Variants in LRRK2 observed in about 807,000 individuals in gnomAD.
The protein encoded by LRRK2 is leucine-rich repeat serine/threonine-protein kinase 2.
A neutral mutation model predicts 302.6 loss-of-function variants in LRRK2; 203 were observed. The observed-to-expected ratio is 0.67, with a 90% CI of 0.60 to 0.75. The LOEUF is 0.75. LRRK2 is among the 30% of genes least tolerant of loss of function. LRRK2 has a pLI of 0.00. For synonymous variants in LRRK2, 1,066 were observed against 1,031.9 expected, an observed-to-expected ratio of 1.03 and a Z score of -0.63; for missense variants, 2,830 against 2,951.0, an observed-to-expected ratio of 0.96 and a Z score of 0.95.
Position 40,321,789 on chromosome 12 carries a change from G to A in LRRK2, c.5171-246G>A, listed in dbSNP as rs993287646. 1.2e-4 allele frequency among the ~76,000 whole-genome samples: 19 copies of A among 152,036 alleles called. 1 individual carries two copies. The highest frequency in any genetic ancestry group is 4.6e-4 in the Admixed American group (7 of 15,250). ...TTATGATTTTCTTTCTTCATCTGTC[G>A]AGCATATTAAACTGCTTAACAGCAT... On this transcript the variant is annotated intron_variant, in intron 35 of 50. Transcript: ENST00000298910.
chr12:40,320,032 C>A lies in LRRK2; in HGVS notation c.4872C>A (p.Gly1624=), dbSNP rs1427263. The stretch of plus-strand genomic sequence containing the variant: ...AAGGTTGTCCAAAACACCCTAAGGG[C>A]ATTATTTCGCGTAGAGATGTGGAAA... ...KVEGCPKHPK[G]IISRRDVEKF... The change falls in exon 34 of 51, where the codon GGC becomes GGA. Residue 1624 remains glycine (G), a synonymous_variant. Transcript: ENST00000298910. 1,073,785 of 1,608,450 alleles carry A rather than the reference C, an allele frequency of 0.67. 361,020 individuals carry two copies. Among genetic ancestry groups the A allele is most frequent in the African/African-American group, 0.77 (57,647 of 74,736 alleles).
chr12:40,303,499 CT>C (rs1163054513), intron 26 of LRRK2, among the ~76,000 whole-genome samples: 1 of 151,996 alleles, frequency 6.6e-6, no homozygotes, highest in African/African-American at 2.4e-5. Context: ...AACACTATGG[CT>C]TTTTAGAATT....
chr12:40,360,324 A>G (rs192787168), intron 47 of LRRK2, among the ~76,000 whole-genome samples: 24 of 152,210 alleles, frequency 1.6e-4, no homozygotes, highest in Admixed American at 1.5e-3. Context: ...ACAAATCCCT[A>G]CCTTAGGGAA....
At chr12:40,304,244 C>T (rs146538851) in intron 27 of LRRK2, 110 bp downstream of exon 27, 3 of 1,034,524 alleles carry the variant, frequency 2.9e-6, no homozygotes, top group East Asian at 5.1e-5. Context: ...AAACTAGAAG[C>T]TTCCTGTTAA....
In LRRK2 at chr12:40,364,849, A is replaced by G. The variant is rs924351303; in HGVS notation, c.7189A>G (p.Met2397Val). 6.2e-7 allele frequency: 1 copy of G among 1,609,490 alleles called. No individual in the cohort carries two copies. The highest frequency in any genetic ancestry group is 8.5e-7 in the Non-Finnish European group (1 of 1,176,734). The change falls in exon 49 of 51, where the codon ATG becomes GTG. Residue 2397 changes from methionine (M) to valine (V), a missense_variant. Met to Val is a conservative substitution (Grantham distance 21, BLOSUM62 1). Coordinates refer to ENST00000298910, the MANE Select transcript of LRRK2 (RefSeq NM_198578.4). ...TATACTTTATGGTTCTAGGGAGGTA[A>G]TGGTAAAAGAAAACAAGGAATCAAA... ...IDCVHFLREV[M>V]VKENKESKHK...
chr12:40,231,518 C>T (rs1362600748), intron 2 of LRRK2, among the ~76,000 whole-genome samples: 1 of 142,764 alleles, frequency 7.0e-6, no homozygotes, highest in African/African-American at 2.6e-5. Flanking sequence ...ATGATTGCAC[C>T]ATTGCACTCC....
chr12:40,354,555 A>G, intron 45 of LRRK2, 63 bp downstream of exon 45: 2 of 1,404,082 alleles, frequency 1.4e-6, no homozygotes, highest in South Asian at 2.3e-5. Context: ...AATTGTGTGC[A>G]TAATTGTTAT....
intron 40 of LRRK2, among the ~76,000 whole-genome samples, chr12:40,337,231 G>C (rs1945898144): frequency 6.6e-6 from 1 of 152,084 alleles, no homozygotes; most frequent in South Asian, 2.1e-4. Context: ...TGCTCCTTTG[G>C]AGTCCCTTAA....
At chr12:40,270,508 C>CT (rs1377973382) in intron 14 of LRRK2, among the ~76,000 whole-genome samples, 1 of 151,764 alleles carries the variant, frequency 6.6e-6, no homozygotes, top group Admixed American at 6.6e-5. Context: ...ATTTGGACTC[C>CT]TAAAAAAAGT....
rs191936967 is a variant in LRRK2, at chr12:40,279,728, C to A, written c.2241+1467C>A. ...CCAACAGGATTTTTACTTTATTCCT[C>A]TTTCCATATTCTTTTGGACTTCATA... On this transcript the variant is annotated intron_variant, in intron 18 of 50. Coordinates refer to ENST00000298910, the MANE Select transcript of LRRK2 (RefSeq NM_198578.4). Among the ~76,000 whole-genome samples, 5 of 152,296 alleles carry A rather than the reference C, an allele frequency of 3.3e-5. No individual in the cohort carries two copies. In the East Asian group the frequency reaches 9.6e-4, roughly 29 times the overall value.
rs376731201 is a variant in LRRK2, at chr12:40,241,171, G to A, written c.706+554G>A. 2.0e-4 allele frequency among the ~76,000 whole-genome samples: 30 copies of A among 152,286 alleles called. No homozygotes were observed. In the East Asian group the frequency reaches 2.9e-3, roughly 15 times the overall value. The stretch of plus-strand genomic sequence containing the variant: ...GTGCGTGCATGCATGCGTGTGTGCC[G>A]CTGTGCATGCACATCCCCAAATATC... On this transcript the variant is annotated intron_variant, in intron 6 of 50. Coordinates refer to ENST00000298910, the MANE Select transcript of LRRK2 (RefSeq NM_198578.4).
chr12:40,352,314 G>A (rs1946376871), intron 44 of LRRK2, among the ~76,000 whole-genome samples: 1 of 152,128 alleles, frequency 6.6e-6, no homozygotes, highest in Non-Finnish European at 1.5e-5. Flanking sequence ...GTACCTGATG[G>A]ATAAAGGAGA....
chr12:40,252,843 G>A (rs1942336030), intron 10 of LRRK2, 67 bp from the exon 11 acceptor site: 2 of 1,016,284 alleles, frequency 2.0e-6, no homozygotes, highest in Non-Finnish European at 3.1e-6. Flanking sequence ...ATTTGATAAT[G>A]GCAAGTGAGA....
chr12:40,245,871 A>C (rs1941956624), intron 7 of LRRK2, among the ~76,000 whole-genome samples: 1 of 152,016 alleles, frequency 6.6e-6, no homozygotes, highest in South Asian at 2.1e-4. Flanking sequence ...TAAGTTCTCT[A>C]CCTAGCAATT....
intron 4 of LRRK2, 75 bp downstream of exon 4, chr12:40,235,789 G>T (rs1455363154): frequency 1.3e-4 from 71 of 560,598 alleles, no homozygotes; most frequent in East Asian, 6.7e-5. Flanking sequence ...ATGTGTGTGT[G>T]TGTGTTTTTT....
chr12:40,333,847 A>G (rs185584219), intron 39 of LRRK2, among the ~76,000 whole-genome samples: 60 of 152,164 alleles, frequency 3.9e-4, no homozygotes, highest in Admixed American at 1.8e-3. Flanking sequence ...AGCACAGGCA[A>G]AGACCCTATG....
intron 27 of LRRK2, chr12:40,304,545 G>A (rs1944746668): frequency 5.3e-6 from 1 of 189,724 alleles, no homozygotes; most frequent in South Asian, 1.2e-4. Flanking sequence ...TATGTGTGAT[G>A]TTATCATATA....
intron 33 of LRRK2, 108 bp downstream of exon 33, chr12:40,315,408 T>C: frequency 1.1e-6 from 1 of 890,254 alleles, no homozygotes; most frequent in Non-Finnish European, 1.9e-6. Context: ...AGGCAGAAAC[T>C]TTTGTGAATT....
chr12:40,262,530 C>A (rs1942819646), intron 13 of LRRK2, among the ~76,000 whole-genome samples: 1 of 152,026 alleles, frequency 6.6e-6, no homozygotes, highest in Non-Finnish European at 1.5e-5. Context: ...TGTCTAGAAT[C>A]CTTAAGGTAT....
Sources: gnomAD v4.1 joint callset for allele counts (sites outside exome capture counted in the v4.1 genomes callset) on GRCh38, gnomAD v4.1.1 for gene constraint, MANE v1.5 for transcripts, NCBI Gene and HGNC (gene_info 2026-07-23, HGNC 2026-07-21) for gene names.